ADGRL3: variants seen among roughly 807,000 people sequenced by gnomAD.
The protein encoded by ADGRL3 is adhesion G protein-coupled receptor L3, also known as calcium-independent alpha-latrotoxin receptor 3.
In ADGRL3, 62 loss-of-function variants were observed where a neutral mutation model predicts 153.5. The observed-to-expected ratio is 0.40, with a 90% confidence interval of 0.33 to 0.50. The LOEUF is 0.50. Among genes scored for constraint, ADGRL3 ranks in the 20% least tolerant of loss-of-function variants. ADGRL3 has a pLI of 0.47. For synonymous variants in ADGRL3, 710 were observed against 672.5 expected (o/e 1.06, Z -0.86); for missense variants, 1,641 against 1,859.4 (o/e 0.88, Z 2.16).
chr4:61,426,662 C>A (rs2097286239), intron 2 of ADGRL3: 2 of 152,274 alleles, frequency 1.3e-5, no homozygotes. Flanking sequence ...TGGTTTCCCC[C>A]CAAGCCAGGC....
intron 5 of ADGRL3, among the ~76,000 whole-genome samples, chr4:61,637,899 T>C (rs1281487503): frequency 6.6e-6 from 1 of 152,186 alleles, no homozygotes; most frequent in East Asian, 1.9e-4. Flanking sequence ...AATACCTGGA[T>C]AGTAGACCTA....
In ADGRL3 at chr4:61,284,563, A is replaced by G. The variant is rs111335011; in HGVS notation, c.-240+82798A>G. Among the ~76,000 whole-genome samples, 965 of 152,104 alleles carry G rather than the reference A, an allele frequency of 6.3e-3. 10 individuals are homozygous for G. The highest frequency in any genetic ancestry group is 0.022 in the African/African-American group (928 of 41,544). On this transcript the variant is annotated intron_variant, in intron 1 of 26. Transcript: ENST00000683033. Reference sequence around the variant, plus strand: ...CCACCACATATCATTTGTGAGCTGCATATTAATGACTAATCCAGAAATATA... The same window carrying G: ...CCACCACATATCATTTGTGAGCTGCGTATTAATGACTAATCCAGAAATATA...
At chr4:61,939,480 T>G (rs926551280) in intron 15 of ADGRL3, among the ~76,000 whole-genome samples, 9 of 151,644 alleles carry the variant, frequency 5.9e-5, no homozygotes. Flanking sequence ...TTTTTCTTTT[T>G]TTTTTTTGAG....
chr4:61,850,922 A>C (rs576036299), intron 9 of ADGRL3, among the ~76,000 whole-genome samples: 1 of 152,200 alleles, frequency 6.6e-6, no homozygotes, highest in East Asian at 1.9e-4. Context: ...TTGAAAATTC[A>C]GTTCCCAAAT....
At chr4:61,342,119 G>A (rs571376857) in intron 1 of ADGRL3, among the ~76,000 whole-genome samples, 1 of 152,122 alleles carries the variant, frequency 6.6e-6, no homozygotes, top group South Asian at 2.1e-4. Flanking sequence ...AAACACTATT[G>A]ATATTTTTAT....
chr4:61,908,549 A>G (rs947184429), intron 11 of ADGRL3, among the ~76,000 whole-genome samples: 1 of 149,930 alleles, frequency 6.7e-6, no homozygotes, highest in Admixed American at 6.7e-5. Context: ...CAGAGGTTGC[A>G]GTGAGCCGAG....
At chr4:61,537,346 A>G (rs2098663181) in intron 4 of ADGRL3, among the ~76,000 whole-genome samples, 1 of 151,900 alleles carries the variant, frequency 6.6e-6, no homozygotes. Flanking sequence ...TGGTCTGATG[A>G]GTGTGTGCTT....
At chr4:61,665,436 CA>C (rs575333592) in intron 5 of ADGRL3, among the ~76,000 whole-genome samples, 1 of 149,928 alleles carries the variant, frequency 6.7e-6, no homozygotes, top group African/African-American at 2.4e-5. Context: ...CAAAAACAAA[CA>C]AAAAAAAACA....
At chr4:61,323,316 C>T (rs893502869) in intron 1 of ADGRL3, among the ~76,000 whole-genome samples, 1 of 152,170 alleles carries the variant, frequency 6.6e-6, no homozygotes, top group Non-Finnish European at 1.5e-5. Flanking sequence ...ACATTTTCCT[C>T]ATTGTCTTGG....
At chr4:61,763,769 C>A (rs1165860984) in intron 8 of ADGRL3, among the ~76,000 whole-genome samples, 1 of 151,986 alleles carries the variant, frequency 6.6e-6, no homozygotes, top group Admixed American at 6.6e-5. Context: ...TATAATTTAG[C>A]ATAATTCTAA....
chr4:62,007,356 T>TTATATATATATATATATATA lies in ADGRL3; in HGVS notation c.3395+9100_3395+9119dup, dbSNP rs71666906. ...AGCTCAGGGCAAGAGGACAAAATGA[T>TTATATATATATATATATATA]TATATATATATATATATATATATAT... On this transcript the variant is annotated intron_variant, in intron 21 of 26. Transcript: ENST00000683033. 7.9e-3 allele frequency among the ~76,000 whole-genome samples: 244 copies of TTATATATATATATATATATA among 30,756 alleles called. 10 individuals carry two copies. The highest frequency in any genetic ancestry group is 0.011 in the Non-Finnish European group (168 of 15,768). 20.2% of individuals were successfully genotyped at this position (30,756 alleles called of 152,430 possible).
In ADGRL3 at chr4:61,864,071, G is replaced by A. The variant is rs184534212; in HGVS notation, c.1481-28585G>A. The stretch of plus-strand genomic sequence containing the variant: ...GTCATCAAAATCTTGAAAATAACCC[G>A]GACATATTTAAGTGGAAGATACTGT... On this transcript the variant is annotated intron_variant, in intron 9 of 26. Coordinates refer to ENST00000683033, the MANE Select transcript of ADGRL3 (RefSeq NM_001387552.1). Among the ~76,000 whole-genome samples the A allele has an allele frequency of 9.5e-3, 1,444 of 152,166 alleles. 27 individuals carry two copies. Among genetic ancestry groups the A allele is most frequent in the African/African-American group, 0.033 (1,357 of 41,508 alleles).
chr4:61,920,427 G>A (rs1007226993), intron 13 of ADGRL3, among the ~76,000 whole-genome samples: 10 of 152,156 alleles, frequency 6.6e-5, no homozygotes, highest in Non-Finnish European at 1.0e-4. Flanking sequence ...GTCTGAGAGC[G>A]TGGATCCAAA....
At chr4:61,686,086 G>T (rs1253252353) in intron 6 of ADGRL3, among the ~76,000 whole-genome samples, 1 of 151,868 alleles carries the variant, frequency 6.6e-6, no homozygotes, top group Non-Finnish European at 1.5e-5. Context: ...AGATTGAAGG[G>T]GTTAGCTCAA....
intron 1 of ADGRL3, among the ~76,000 whole-genome samples, chr4:61,293,953 A>G (rs1377604588): frequency 6.6e-6 from 1 of 152,182 alleles, no homozygotes; most frequent in Non-Finnish European, 1.5e-5. Context: ...AGAGCTTTGC[A>G]TAGTGACTGA....
At chr4:61,488,506 G>A (rs1010329253) in intron 2 of ADGRL3, among the ~76,000 whole-genome samples, 10 of 151,882 alleles carry the variant, frequency 6.6e-5, no homozygotes, top group Non-Finnish European at 1.0e-4. Context: ...GGGTATTGCA[G>A]GGAAGAAATG....
At chr4:61,535,051 C>T (rs1399084669) in intron 4 of ADGRL3, among the ~76,000 whole-genome samples, 3 of 151,972 alleles carry the variant, frequency 2.0e-5, no homozygotes, top group Non-Finnish European at 4.4e-5. Flanking sequence ...TTTACCCATT[C>T]AGTATAATGT....
At chr4:61,502,777 A>G (rs1185493418) in intron 3 of ADGRL3, among the ~76,000 whole-genome samples, 1 of 152,196 alleles carries the variant, frequency 6.6e-6, no homozygotes, top group African/African-American at 2.4e-5. Context: ...ACACTTAACT[A>G]CATGGCATTT....
chr4:61,322,467 G>A lies in ADGRL3; in HGVS notation c.-239-60657G>A, dbSNP rs559060758. ...CAGTCCAAAGTCTCATCTGAGACAA[G>A]GCAAAACCCTTCTGCATATGAGCCT... On this transcript the variant is annotated intron_variant, in intron 1 of 26. Coordinates refer to ENST00000683033, the MANE Select transcript of ADGRL3 (RefSeq NM_001387552.1). Among the ~76,000 whole-genome samples, 7 of 152,294 alleles carry A rather than the reference G, an allele frequency of 4.6e-5. No homozygotes were observed. The South Asian group carries it at 1.4e-3, about 32-fold the overall frequency.
Sources: gnomAD v4.1 joint callset for allele counts (sites outside exome capture counted in the v4.1 genomes callset) on GRCh38, gnomAD v4.1.1 for gene constraint, MANE v1.5 for transcripts, NCBI Gene and HGNC (gene_info 2026-07-23, HGNC 2026-07-21) for gene names.